The following XKR6 variants were observed in gnomAD, a reference collection of about 807,000 sequenced individuals.
The protein encoded by XKR6 is XK-related protein 6.
XKR6 carries 22 observed loss-of-function variants against 56.7 expected under a neutral mutation model. The observed-to-expected ratio is 0.39, with a 90% CI of 0.28 to 0.55. XKR6 has a LOEUF of 0.55. Among genes scored for constraint, XKR6 ranks in the 20% least tolerant of loss-of-function variants. XKR6 has a pLI of 0.66. For synonymous variants in XKR6, 524 were observed against 387.8 expected (o/e 1.35, Z -4.13); for missense variants, 852 against 889.0 (o/e 0.96, Z 0.53).
intron 1 of XKR6, among the ~76,000 whole-genome samples, chr8:11,071,163 G>C (rs983238967): frequency 6.6e-6 from 1 of 152,232 alleles, no homozygotes; most frequent in Non-Finnish European, 1.5e-5. Context: ...GTGAGGTGGT[G>C]TGAGGTCTCA....
intron 1 of XKR6, among the ~76,000 whole-genome samples, chr8:11,134,331 T>C (rs1800273588): frequency 6.6e-6 from 1 of 152,178 alleles, no homozygotes; most frequent in Non-Finnish European, 1.5e-5. Flanking sequence ...ACTTCTGTCA[T>C]ATGTATCTTT....
At chr8:11,160,766 G>A (rs1404929020) in intron 1 of XKR6, among the ~76,000 whole-genome samples, 1 of 151,896 alleles carries the variant, frequency 6.6e-6, no homozygotes, top group African/African-American at 2.4e-5. Flanking sequence ...AAATTAGCTG[G>A]GTATGGTGGC....
At chr8:11,111,224 A>G (rs1182389597) in intron 1 of XKR6, among the ~76,000 whole-genome samples, 1 of 151,800 alleles carries the variant, frequency 6.6e-6, no homozygotes, top group African/African-American at 2.4e-5. Context: ...CCTCCCTTCC[A>G]TTCACACTGT....
At chr8:11,021,573 C>G (rs1311571252) in intron 1 of XKR6, among the ~76,000 whole-genome samples, 1 of 152,146 alleles carries the variant, frequency 6.6e-6, no homozygotes. Flanking sequence ...AGACCCAGCT[C>G]AGAGAGCAGT....
At chr8:10,925,847 G>A (rs1466528648) in intron 1 of XKR6, among the ~76,000 whole-genome samples, 1 of 152,120 alleles carries the variant, frequency 6.6e-6, no homozygotes, top group East Asian at 1.9e-4. Context: ...TGTCTCCAAG[G>A]CAAGAGAAGG....
intron 1 of XKR6, among the ~76,000 whole-genome samples, chr8:10,928,891 GTGTCACCTCC>G (rs1235447778): frequency 6.6e-6 from 1 of 152,206 alleles, no homozygotes; most frequent in Non-Finnish European, 1.5e-5. Flanking sequence ...CCCAAAGTCG[GTGTCACCTCC>G]TGTCACGCCA....
intron 1 of XKR6, among the ~76,000 whole-genome samples, chr8:11,183,197 A>G (rs1489865539): frequency 1.3e-5 from 2 of 151,758 alleles, no homozygotes; most frequent in East Asian, 3.9e-4. Flanking sequence ...TCTCCTTGAG[A>G]CCCTCCTTTC....
intron 1 of XKR6, among the ~76,000 whole-genome samples, chr8:11,084,937 C>T (rs1269145510): frequency 6.6e-6 from 1 of 152,202 alleles, no homozygotes; most frequent in Non-Finnish European, 1.5e-5. Flanking sequence ...AAGAAATCTG[C>T]TGAAGAACAG....
chr8:11,178,066 G>C (rs1563197303), intron 1 of XKR6, among the ~76,000 whole-genome samples: 1 of 152,128 alleles, frequency 6.6e-6, no homozygotes, highest in African/African-American at 2.4e-5. Context: ...AGAGTGCAGG[G>C]CCTAGTGACC....
intron 1 of XKR6, among the ~76,000 whole-genome samples, chr8:11,157,945 T>C (rs143962304): frequency 6.6e-6 from 1 of 152,350 alleles, no homozygotes; most frequent in Non-Finnish European, 1.5e-5. Flanking sequence ...AGATATGTTA[T>C]AAAGGGTGTT....
intron 1 of XKR6, among the ~76,000 whole-genome samples, chr8:10,958,584 A>G (rs1801967029): frequency 3.3e-5 from 5 of 152,208 alleles, no homozygotes; most frequent in Admixed American, 3.3e-4. Flanking sequence ...GTCAGAAAAG[A>G]CAGGGTAGAA....
intron 1 of XKR6, among the ~76,000 whole-genome samples, chr8:11,054,904 C>T (rs1236585308): frequency 3.3e-5 from 5 of 152,282 alleles, no homozygotes; most frequent in South Asian, 2.1e-4. Context: ...AGGCCCTTTC[C>T]TAATTCATGC....
rs58011023 is a variant in XKR6 at position 11,114,727 on chromosome 8, ATGTGTGTGTGTG to A, written c.764+85837_764+85848del. 3.8e-3 allele frequency among the ~76,000 whole-genome samples: 446 copies of A among 118,484 alleles called. 1 individual carries two copies. Among genetic ancestry groups the A allele is most frequent in the South Asian group, 0.021 (77 of 3,736 alleles). 77.7% of individuals were successfully genotyped at this position (118,484 alleles called of 152,430 possible). ...ATGAAGTCAGCTACTTAGATCACAT[ATGTGTGTGTGTG>A]TGTGTGTGTGTGTGTGTGTGTGTGT... is the stretch of plus-strand genomic sequence containing the variant. On this transcript the variant is annotated intron_variant, in intron 1 of 2. Transcript: ENST00000416569.
Position 10,939,224 on chromosome 8 carries a change from A to AGAAG in XKR6, c.765-14398_765-14395dup, listed in dbSNP as rs568553785. 6.7e-3 allele frequency among the ~76,000 whole-genome samples: 1,026 copies of AGAAG among 152,312 alleles called. 6 individuals are homozygous for AGAAG. Among genetic ancestry groups the AGAAG allele is most frequent in the Non-Finnish European group, 8.7e-3 (594 of 68,016 alleles). On this transcript the variant is annotated intron_variant, in intron 1 of 2. Transcript: ENST00000416569. The stretch of plus-strand genomic sequence containing the variant: ...AACAGCTGACCGGCCCAACCAGGCA[A>AGAAG]GAAGGAAGGAAGGAAGGGCAGGAAG...
chr8:11,041,049 C>G (rs1461345584), intron 1 of XKR6, among the ~76,000 whole-genome samples: 3 of 152,010 alleles, frequency 2.0e-5, no homozygotes, highest in Admixed American at 1.3e-4. Flanking sequence ...GGACAATGGC[C>G]CATTCCAGCC....
rs147227533 is a variant in XKR6, at chr8:11,182,772, T to G, written c.764+17804A>C. ...ATCTGAGCCATTTTCAAGTGTACAG[T>G]TCAGTGGCATTAAATACATTCACAA... On this transcript the variant is annotated intron_variant, in intron 1 of 2. Coordinates refer to ENST00000416569, the MANE Select transcript of XKR6 (RefSeq NM_173683.4). Among the ~76,000 whole-genome samples, 16 of 152,344 alleles carry G rather than the reference T, an allele frequency of 1.1e-4. No individual in the cohort carries two copies. The East Asian group carries it at 2.9e-3, about 28-fold the overall frequency.
chr8:11,168,666 A>G (rs932266556), intron 1 of XKR6, among the ~76,000 whole-genome samples: 2 of 152,228 alleles, frequency 1.3e-5, no homozygotes, highest in African/African-American at 2.4e-5. Context: ...CAATGAATTT[A>G]AAAAGACTGA....
Position 11,177,248 on chromosome 8 carries a change from C to T in XKR6, c.764+23328G>A, listed in dbSNP as rs144045982. 3.9e-3 allele frequency among the ~76,000 whole-genome samples: 596 copies of T among 152,286 alleles called. 1 individual carries two copies. The highest frequency in any genetic ancestry group is 9.0e-3 in the Admixed American group (137 of 15,302). ...AAGACTCTTTCCTGCTCTCCTATAG[C>T]GAAGCTGTAGATTTGCCAACATTAT... On this transcript the variant is annotated intron_variant, in intron 1 of 2. Transcript: ENST00000416569.
At chr8:11,118,772 C>CT (rs1799300552) in intron 1 of XKR6, among the ~76,000 whole-genome samples, 1 of 152,102 alleles carries the variant, frequency 6.6e-6, no homozygotes, top group South Asian at 2.1e-4. Flanking sequence ...CCTGGATTCA[C>CT]TGATTTTTTG....
Sources: allele counts gnomAD v4.1 joint callset (sites outside exome capture counted in the v4.1 genomes callset), GRCh38; gene constraint gnomAD v4.1.1; transcripts MANE v1.5; gene names NCBI Gene and HGNC (gene_info 2026-07-23, HGNC 2026-07-21).